The following SLC68A1 variants were observed in gnomAD, a reference collection of about 807,000 sequenced individuals.
SLC68A1 encodes major facilitator superfamily domain containing 13A.
At chr10:102,465,021 G>A in the SLC68A1 span, among the ~76,000 whole-genome samples, 2 of 151,850 alleles carry the variant, frequency 1.3e-5, no homozygotes, top group Non-Finnish European at 2.9e-5. Flanking sequence ...TTGGGAGGCC[G>A]AGGCAGGCGG....
At chr10:102,467,656 T>G in the SLC68A1 span, among the ~76,000 whole-genome samples, 2 of 114,790 alleles carry the variant, frequency 1.7e-5, no homozygotes, top group Non-Finnish European at 4.2e-5. Context: ...TTACAGTGCT[T>G]CTTCTTTTTT....
chr10:102,473,761 C>T, the SLC68A1 span: 42 of 1,608,692 alleles, frequency 2.6e-5, no homozygotes, highest in Non-Finnish European at 3.3e-5. Flanking sequence ...TGCCCACGCT[C>T]CCCGCAACAC....
chr10:102,476,062 T>C, the SLC68A1 span: 3 of 1,297,682 alleles, frequency 2.3e-6, no homozygotes, highest in Non-Finnish European at 3.0e-6. Flanking sequence ...GTTTTTTTTT[T>C]AAGGATTTCA....
the SLC68A1 span, chr10:102,468,843 G>GT: frequency 1.7e-6 from 1 of 581,936 alleles, no homozygotes. Context: ...CAGCGCTGTT[G>GT]TAAGTACAAA....
chr10:102,462,807 C>T, the SLC68A1 span, among the ~76,000 whole-genome samples: 1 of 152,226 alleles, frequency 6.6e-6, no homozygotes, highest in African/African-American at 2.4e-5. Context: ...GTTTCTGTGT[C>T]TCTTAGCACA....
chr10:102,461,608 T>C, the SLC68A1 span, among the ~76,000 whole-genome samples: 1 of 151,076 alleles, frequency 6.6e-6, no homozygotes, highest in Non-Finnish European at 1.5e-5. Context: ...ATATTGTGGA[T>C]TGGGAGAGTT....
chr10:102,469,572 G>T, the SLC68A1 span, among the ~76,000 whole-genome samples: 2 of 150,018 alleles, frequency 1.3e-5, no homozygotes, highest in Admixed American at 1.3e-4. Flanking sequence ...TTGAGATGGA[G>T]TTTCACTTTT....
chr10:102,469,607 C>T, the SLC68A1 span, among the ~76,000 whole-genome samples: 5 of 144,834 alleles, frequency 3.5e-5, no homozygotes, highest in African/African-American at 1.2e-4. Flanking sequence ...AGTGCAATGG[C>T]GCAATCTCAG....
chr10:102,466,724 A>C, the SLC68A1 span, among the ~76,000 whole-genome samples: 1 of 152,150 alleles, frequency 6.6e-6, no homozygotes, highest in Admixed American at 6.5e-5. Flanking sequence ...CCTTGTGTTC[A>C]GGGCTCACCT....
the SLC68A1 span, chr10:102,473,516 C>T: frequency 6.5e-7 from 1 of 1,529,714 alleles, no homozygotes. Flanking sequence ...TGATGGCGCT[C>T]ACTGGCACTG....
chr10:102,468,387 A>G, the SLC68A1 span: 1 of 152,464 alleles, frequency 6.6e-6, no homozygotes, highest in Non-Finnish European at 1.5e-5. Context: ...CATTAAAGTC[A>G]CACAGTGCAA....
the SLC68A1 span, among the ~76,000 whole-genome samples, chr10:102,468,101 C>T: frequency 1.3e-5 from 2 of 152,104 alleles, no homozygotes; most frequent in East Asian, 3.9e-4. Flanking sequence ...GGGACCACGC[C>T]CTCCTCTACC....
chr10:102,471,252 C>G, the SLC68A1 span: 3 of 1,610,156 alleles, frequency 1.9e-6, no homozygotes, highest in South Asian at 3.3e-5. Context: ...AGGCAGTTCT[C>G]CACTCCCTTC....
chr10:102,470,129 C>G, the SLC68A1 span: 1 of 1,527,778 alleles, frequency 6.5e-7, no homozygotes, highest in Non-Finnish European at 9.0e-7. Context: ...TACTGCTACC[C>G]AGGAGGGAGG....
At chr10:102,471,171 A>T in the SLC68A1 span, 1 of 1,544,178 alleles carries the variant, frequency 6.5e-7, no homozygotes, top group South Asian at 1.2e-5. Context: ...TCTAAGTCTG[A>T]TTTCGGTGCT....
chr10:102,469,915 G>T, the SLC68A1 span: 1 of 1,537,442 alleles, frequency 6.5e-7, no homozygotes, highest in South Asian at 1.2e-5. Context: ...TTCAGGGGTG[G>T]TGAGCAGGCT....
At chr10:102,474,274 TAGAC>T in the SLC68A1 span, among the ~76,000 whole-genome samples, 9 of 152,120 alleles carry the variant, frequency 5.9e-5, no homozygotes, top group Non-Finnish European at 8.8e-5. Flanking sequence ...ATGAATAAGA[TAGAC>T]AAAGTCTTTG....
At chr10:102,476,153 C>T in the SLC68A1 span, 1 of 1,215,260 alleles carries the variant, frequency 8.2e-7, no homozygotes, top group East Asian at 2.9e-5. Context: ...TCACTGAAAC[C>T]ACCACCCAGG....
At chr10:102,475,263 T>C in the SLC68A1 span, among the ~76,000 whole-genome samples, 1 of 150,888 alleles carries the variant, frequency 6.6e-6, no homozygotes, top group Non-Finnish European at 1.5e-5. Context: ...GCTACTTCAC[T>C]CCAGCCTAGG....
Sources: allele counts gnomAD v4.1 joint callset (sites outside exome capture counted in the v4.1 genomes callset), GRCh38; gene constraint gnomAD v4.1.1; transcripts MANE v1.5; gene names NCBI Gene and HGNC (gene_info 2026-07-23, HGNC 2026-07-21).